Variants in KRT9 observed in about 807,000 individuals in gnomAD.
The protein encoded by KRT9 is keratin, type I cytoskeletal 9.
KRT9 carries 34 observed loss-of-function variants against 51.4 expected under a neutral mutation model. The ratio of observed to expected loss-of-function variants is 0.66; its 90% CI spans 0.50 to 0.88. The LOEUF (loss-of-function observed/expected upper bound fraction) is 0.88, where lower values mean the gene tolerates loss of function less well. Ranked by LOEUF, KRT9 falls within the 40% of genes least tolerant of loss-of-function variation. The probability of loss-of-function intolerance (pLI) is 0.00; values close to 1 mark genes in which losing one functional copy is unlikely to be tolerated. For missense variants in KRT9, 753 were observed against 790.3 expected, an observed-to-expected ratio of 0.95 and a Z score of 0.57; for synonymous variants, 292 against 289.7, an observed-to-expected ratio of 1.01 and a Z score of -0.08.
chr17:41,571,925 C>A lies in KRT9; in HGVS notation c.68G>T (p.Gly23Val), dbSNP rs1449785246. The part of the protein sequence containing the change: ...RSGGGGGGGL[G>V]SGGSIRSSYS... ...GGAAGACCTTATGCTGCCCCCGCTG[C>A]CCAGGCCGCCCCCGCCACCCCCGCC... Residue 23 changes from glycine (G) to valine (V), a missense_variant, in exon 1 of 8, where the codon GGC becomes GTC. Transcript: ENST00000246662. The A allele has an allele frequency of 1.9e-6, 3 of 1,583,178 alleles. No homozygotes were observed. Among genetic ancestry groups the A allele is most frequent in the Middle Eastern group, 2.2e-4 (1 of 4,554 alleles).
In KRT9 at chr17:41,570,206, T is replaced by G. The variant is rs1475836324; in HGVS notation, c.657A>C (p.Thr219=). The change falls in exon 2 of 8, where the codon ACA becomes ACC. Residue 219 remains threonine, a synonymous_variant. Transcript: ENST00000246662. The stretch of plus-strand genomic sequence containing the variant: ...CCAGGAGAGTTTTGTTGTTGCCCAC[T>G]GTCAGGTCCACAATCTGAAAAAAAA... ...DDLKDQIVDL[T]VGNNKTLLDI... The G allele has an allele frequency of 1.2e-6, 2 of 1,613,922 alleles. No homozygotes were observed. The highest frequency in any genetic ancestry group is 1.3e-5 in the African/African-American group (1 of 74,978).
chr17:41,570,023 C>A lies in KRT9; in HGVS notation c.726-8G>T. The A allele has an allele frequency of 6.2e-7, 1 of 1,614,146 alleles. No homozygotes were observed. On this transcript the variant is annotated splice_region_variant and splice_polypyrimidine_tract_variant and intron_variant, in intron 2 of 7. Transcript: ENST00000246662. ...TTTTGCTCCATCTCAAACCTGCAGACCAGCCAGGGTTAGAAAACAATCAAG... is the reference window on the plus strand; with the variant it reads ...TTTTGCTCCATCTCAAACCTGCAGAACAGCCAGGGTTAGAAAACAATCAAG...
Position 41,570,118 on chromosome 17 carries a change from A to G in KRT9, c.725+20T>C. On this transcript the variant is annotated intron_variant, in intron 2 of 7. Transcript: ENST00000246662. The stretch of plus-strand genomic sequence containing the variant: ...GGGTAAGGGCTGATGACAGGAGAGG[A>G]GAAGAGGAGCAGGACTCACTTTATC... 1 of 1,613,256 alleles carries G rather than the reference A, an allele frequency of 6.2e-7. No individual in the cohort carries two copies. The highest frequency in any genetic ancestry group is 8.5e-7 in the Non-Finnish European group (1 of 1,179,178).
At chr17:41,570,579 A>C (rs534544012) in intron 1 of KRT9, among the ~76,000 whole-genome samples, 45 of 152,348 alleles carry the variant, frequency 3.0e-4, no homozygotes, top group Non-Finnish European at 7.3e-5. Context: ...GAGATCAAGA[A>C]AGACTTCAGG....
Position 41,569,459 on chromosome 17 carries a change from G to A in KRT9, c.1011C>T (p.Asn337=), listed in dbSNP as rs143100726. ...CATATTGATTCTCGATGTCCTTTCT[G>A]TTCTTAGCAATGAGCTGCTCATACT... The part of the protein sequence containing the change: ...RQEYEQLIAK[N]RKDIENQYET... Residue 337 remains asparagine (N), a synonymous_variant, in exon 4 of 8, where the codon AAC becomes AAT. Transcript: ENST00000246662. 2,042 of 1,614,010 alleles carry A rather than the reference G, an allele frequency of 1.3e-3. 3 individuals carry two copies. Among genetic ancestry groups the A allele is most frequent in the South Asian group, 2.3e-3 (213 of 91,072 alleles).
At position 41,568,276 on chromosome 17, in the gene KRT9, C is replaced by T. The variant is rs1906945396; in HGVS notation, c.1280G>A (p.Arg427Gln). The T allele has an allele frequency of 2.5e-6, 4 of 1,614,148 alleles. No homozygotes were observed. Among genetic ancestry groups the T allele is most frequent in the East Asian group, 2.2e-5 (1 of 44,882 alleles). Residue 427 changes from arginine to glutamine, a missense_variant, in exon 6 of 8, where the codon CGG (arginine) becomes CAG (glutamine). Physicochemically the swap from Arg to Gln is conservative, Grantham distance 43 (BLOSUM62 1). This residue lies in a region of KRT9 where 507 missense variants were observed against 563.7 expected (regional missense o/e 0.90). Transcript: ENST00000246662. ...CTGATTCTGGCACTCGATCTCTTGC[C>T]GGACGTCAGTGATCTGGGCCTCCAA... ...SNLEAQITDVRQEIECQNQEY... is the reference protein window; with the variant it reads ...SNLEAQITDVQQEIECQNQEY...
chr17:41,568,177 C>G lies in KRT9; in HGVS notation c.1379G>C (p.Gly460Ala). The G allele has an allele frequency of 1.9e-6, 3 of 1,613,782 alleles. No individual in the cohort carries two copies. The highest frequency in any genetic ancestry group is 2.5e-6 in the Non-Finnish European group (3 of 1,179,984). ...EIETYHNLLE[G>A]GQEDFESSGA... ...GGGGACCTACAAGTCTTCCTGGCCT[C>G]CCTCAAGGAGGTTGTGGTAGGTCTC... is the stretch of plus-strand genomic sequence containing the variant. Residue 460 changes from glycine to alanine, a missense_variant, in exon 6 of 8, where the codon GGA (glycine) becomes GCA (alanine). Coordinates refer to ENST00000246662, the MANE Select transcript of KRT9 (RefSeq NM_000226.4).
Position 41,568,517 on chromosome 17 carries a change from C to T in KRT9, c.1161G>A (p.Gln387=), listed in dbSNP as rs371047433. 6.2e-7 allele frequency: 1 copy of T among 1,614,202 alleles called. No individual in the cohort carries two copies. Among genetic ancestry groups the T allele is most frequent in the Non-Finnish European group, 8.5e-7 (1 of 1,180,034 alleles). ...TAGCAGAACTACCAACCTTGCTGAGCTGAGACTGCAGCTCAATCTCCAACT... is the reference window on the plus strand; with the variant it reads ...TAGCAGAACTACCAACCTTGCTGAGTTGAGACTGCAGCTCAATCTCCAACT... ...VQELEIELQS[Q]LSKKAALEKS... is the part of the protein sequence containing the mutation. Residue 387 remains glutamine (Q), a synonymous_variant, in exon 5 of 8, where the codon CAG becomes CAA. Transcript: ENST00000246662.
In KRT9 at chr17:41,569,876, T is replaced by C; in HGVS notation, c.865A>G (p.Lys289Glu). Reference protein sequence around the residue: ...ETLQEELMALKKNHKEEMSQL... With the variant: ...ETLQEELMALEKNHKEEMSQL... ...CAACCTACCTCCTTATGATTCTTCT[T>C]GAGGGCCATCAGCTCCTCCTGCAGA... The change falls in exon 3 of 8, where the codon AAG becomes GAG. Residue 289 changes from lysine to glutamate, a missense_variant. Lys to Glu is a moderately conservative substitution (Grantham distance 56). Around this residue, in one of 3 missense-constraint regions of KRT9, gnomAD observed 507 missense variants for 563.7 expected, o/e 0.90. Transcript: ENST00000246662. The C allele has an allele frequency of 6.2e-7, 1 of 1,614,182 alleles. No homozygotes were observed. Among genetic ancestry groups the C allele is most frequent in the Non-Finnish European group, 8.5e-7 (1 of 1,180,028 alleles).
intron 5 of KRT9, 26 bp from the exon 6 acceptor site, chr17:41,568,411 A>T: frequency 6.2e-7 from 1 of 1,613,920 alleles, no homozygotes; most frequent in South Asian, 1.1e-5. Flanking sequence ...AGGCTTTAAG[A>T]GGGATGCTAC....
Position 41,570,220 on chromosome 17 carries a change from T to G in KRT9, c.643A>C (p.Ile215Leu). ...TTGTTGCCCACTGTCAGGTCCACAA[T>G]CTGAAAAAAAAAGGACACAGCCATG... Reference protein sequence around the residue: ...YNTIDDLKDQIVDLTVGNNKT... With the variant: ...YNTIDDLKDQLVDLTVGNNKT... The change falls in exon 2 of 8, where the codon ATT (isoleucine) becomes CTT (leucine). Residue 215 changes from isoleucine to leucine, a missense_variant and splice_region_variant. Coordinates refer to ENST00000246662, the MANE Select transcript of KRT9 (RefSeq NM_000226.4). The G allele has an allele frequency of 6.2e-7, 1 of 1,612,044 alleles. No homozygotes were observed. Among genetic ancestry groups the G allele is most frequent in the Non-Finnish European group, 8.5e-7 (1 of 1,179,232 alleles).
At chr17:41,569,325 A>T in intron 4 of KRT9, 101 bp downstream of exon 4, 1 of 1,142,900 alleles carries the variant, frequency 8.7e-7, no homozygotes, top group South Asian at 1.3e-5. Flanking sequence ...AGCTGCACTG[A>T]GAGATGCAGA....
At position 41,568,551 on chromosome 17, in the gene KRT9, C is replaced by A. The variant is rs777254346; in HGVS notation, c.1127G>T (p.Gly376Val). The change falls in exon 5 of 8, where the codon GGT (glycine) becomes GTT (valine). Residue 376 changes from glycine to valine, a missense_variant. Around this residue, in one of 3 missense-constraint regions of KRT9, gnomAD observed 507 missense variants for 563.7 expected, o/e 0.90. Transcript: ENST00000246662. Reference protein sequence around the residue: ...SAKEVTQLRHGVQELEIELQS... With the variant: ...SAKEVTQLRHVVQELEIELQS... ...CAGCTCAATCTCCAACTCCTGGACA[C>A]CGTGCCGGAGCTGGGTCACCTCCTT... 3 of 1,614,198 alleles carry A rather than the reference C, an allele frequency of 1.9e-6. No homozygotes were observed. The South Asian group carries it at 3.3e-5, about 18-fold the overall frequency.
chr17:41,568,043 C>T, intron 6 of KRT9, 119 bp downstream of exon 6: 4 of 1,029,480 alleles, frequency 3.9e-6, no homozygotes, highest in Non-Finnish European at 5.8e-6. Context: ...TGAAGAAGTC[C>T]TCAACCCATA....
Position 41,568,392 on chromosome 17 carries a change from G to A in KRT9, c.1171-7C>T. ...TCTTCTCCAGAGCTGCTTTCTAAGG[G>A]TTAGGAGAAGGCTTTAAGAGGGATG... is the stretch of plus-strand genomic sequence containing the variant. On this transcript the variant is annotated splice_polypyrimidine_tract_variant and splice_region_variant and intron_variant, in intron 5 of 7. Transcript: ENST00000246662. 6.2e-7 allele frequency: 1 copy of A among 1,614,016 alleles called. No individual in the cohort carries two copies. The highest frequency in any genetic ancestry group is 1.1e-5 in the South Asian group (1 of 91,082).
chr17:41,570,112 G>A (rs974325852), intron 2 of KRT9, 26 bp downstream of exon 2: 1 of 1,612,394 alleles, frequency 6.2e-7, no homozygotes, highest in Non-Finnish European at 8.5e-7. Flanking sequence ...CTGATGACAG[G>A]AGAGGAGAAG....
rs1252803746 is a variant in KRT9 at position 41,571,914 on chromosome 17, T to TGCCCCCGCTGCCCAGGCC, written c.61_78dup (p.Gly21_Gly26dup). 1.9e-6 allele frequency: 3 copies of TGCCCCCGCTGCCCAGGCC among 1,591,190 alleles called. No homozygotes were observed. The highest frequency in any genetic ancestry group is 2.6e-6 in the Non-Finnish European group (3 of 1,169,536). On this transcript the variant is annotated inframe_insertion, in exon 1 of 8. Coordinates refer to ENST00000246662, the MANE Select transcript of KRT9 (RefSeq NM_000226.4). ...AAGCGGCTGTAGGAAGACCTTATGC[T>TGCCCCCGCTGCCCAGGCC]GCCCCCGCTGCCCAGGCCGCCCCCG...
rs369258653 is a variant in KRT9 at position 41,571,790 on chromosome 17, C to T, written c.203G>A (p.Ser68Asn). The T allele has an allele frequency of 5.6e-6, 9 of 1,613,724 alleles. No homozygotes were observed. In the African/African-American group the frequency reaches 6.7e-5, roughly 12 times the overall value. ...SRVCGRGGGG[S>N]FGYSYGGGSG... ...TCCTCCGCCGTAGCTGTAGCCAAAACTGCCACCGCCTCCCCTCCCACAGAC... is the reference window on the plus strand; with the variant it reads ...TCCTCCGCCGTAGCTGTAGCCAAAATTGCCACCGCCTCCCCTCCCACAGAC... Residue 68 changes from serine to asparagine, a missense_variant, in exon 1 of 8, where the codon AGT (serine) becomes AAT (asparagine). Ser to Asn is a conservative substitution (Grantham distance 46, BLOSUM62 1). Transcript: ENST00000246662.
Position 41,568,632 on chromosome 17 carries a change from A to G in KRT9, c.1046T>C (p.Ile349Thr). The change falls in exon 5 of 8, where the codon ATA becomes ACA. Residue 349 changes from isoleucine to threonine, a missense_variant and splice_region_variant. Physicochemically the swap from Ile to Thr is moderately conservative, Grantham distance 89 (BLOSUM62 -1). Coordinates refer to ENST00000246662, the MANE Select transcript of KRT9 (RefSeq NM_000226.4). ...GGATACCTCATGCTCGATCTGGGTTATCTGCAAAACCAAAGGCTCAGTAAG... is the reference window on the plus strand; with the variant it reads ...GGATACCTCATGCTCGATCTGGGTTGTCTGCAAAACCAAAGGCTCAGTAAG... ...KDIENQYETQ[I>T]TQIEHEVSSS... The G allele has an allele frequency of 1.2e-6, 2 of 1,614,150 alleles. No individual in the cohort carries two copies. Among genetic ancestry groups the G allele is most frequent in the Non-Finnish European group, 1.7e-6 (2 of 1,180,022 alleles).
Sources: allele counts gnomAD v4.1 joint callset (sites outside exome capture counted in the v4.1 genomes callset), GRCh38; gene constraint gnomAD v4.1.1; regional missense constraint gnomAD v4.1.1; transcripts MANE v1.5; gene names NCBI Gene and HGNC (gene_info 2026-07-23, HGNC 2026-07-21).